The following CNTN5 variants were observed in gnomAD, a reference collection of about 807,000 sequenced individuals.
The protein encoded by CNTN5 is contactin 5.
CNTN5 carries 77 observed loss-of-function variants against 129.1 expected under a neutral mutation model. That is an observed-to-expected ratio of 0.60 (90% CI 0.50 to 0.72). The LOEUF (loss-of-function observed/expected upper bound fraction) is 0.72, where lower values mean the gene tolerates loss of function less well. Ranked by LOEUF, CNTN5 falls within the 30% of genes least tolerant of loss-of-function variation. The pLI is 0.00. For synonymous variants in CNTN5, 509 were observed against 465.6 expected, an observed-to-expected ratio of 1.09 and a Z score of -1.20; for missense variants, 1,478 against 1,328.8, an observed-to-expected ratio of 1.11 and a Z score of -1.75.
At chr11:100,355,360 A>G (rs777806280) in intron 24 of CNTN5, among the ~76,000 whole-genome samples, 1 of 151,732 alleles carries the variant, frequency 6.6e-6, no homozygotes, top group Non-Finnish European at 1.5e-5. Flanking sequence ...ACATAGAGCT[A>G]TCATCTCTTG....
intron 2 of CNTN5, among the ~76,000 whole-genome samples, chr11:99,533,732 T>C (rs894783239): frequency 6.6e-6 from 1 of 152,212 alleles, no homozygotes; most frequent in African/African-American, 2.4e-5. Flanking sequence ...CCGAAATATG[T>C]GTGGTAGACA....
intron 21 of CNTN5, among the ~76,000 whole-genome samples, chr11:100,329,114 A>G (rs1216964936): frequency 1.3e-5 from 2 of 152,136 alleles, no homozygotes; most frequent in African/African-American, 4.8e-5. Flanking sequence ...AGCCTTTAGG[A>G]CTGCAGGCTG....
intron 12 of CNTN5, among the ~76,000 whole-genome samples, chr11:100,072,297 G>A (rs1211477575): frequency 6.6e-6 from 1 of 152,012 alleles, no homozygotes; most frequent in Non-Finnish European, 1.5e-5. Context: ...CTCCTCATGG[G>A]GCATCAACTA....
In CNTN5 at chr11:99,617,030, G is replaced by C. The variant is rs567417656; in HGVS notation, c.55+60761G>C. On this transcript the variant is annotated intron_variant, in intron 3 of 24. Transcript: ENST00000524871. ...GGAGGCTGAGGCAGGAGAATTGCTTGAACCCAGGAGGTGGAGGTTGCAGTG... is the reference window on the plus strand; with the variant it reads ...GGAGGCTGAGGCAGGAGAATTGCTTCAACCCAGGAGGTGGAGGTTGCAGTG... 3.9e-5 allele frequency among the ~76,000 whole-genome samples: 6 copies of C among 152,324 alleles called. No homozygotes were observed. In the South Asian group the frequency reaches 1.2e-3, roughly 32 times the overall value.
chr11:99,344,518 T>A (rs1591549567), intron 2 of CNTN5, among the ~76,000 whole-genome samples: 1 of 152,230 alleles, frequency 6.6e-6, no homozygotes, highest in South Asian at 2.1e-4. Context: ...AAGATATCCA[T>A]CTTTTGAAAA....
intron 1 of CNTN5, among the ~76,000 whole-genome samples, chr11:99,177,724 G>A (rs1857847312): frequency 6.6e-6 from 1 of 152,206 alleles, no homozygotes; most frequent in South Asian, 2.1e-4. Flanking sequence ...TATGAAAAGT[G>A]AAGGAACTTT....
chr11:99,819,735 T>C lies in CNTN5; in HGVS notation c.247T>C (p.Tyr83His), dbSNP rs200788939. Residue 83 changes from tyrosine to histidine, a missense_variant, in exon 4 of 25, where the codon TAT becomes CAT. Physicochemically the swap from Tyr to His is moderately conservative, Grantham distance 83. Coordinates refer to ENST00000524871, the MANE Select transcript of CNTN5 (RefSeq NM_014361.4). Reference sequence around the variant, plus strand: ...GAATTATTATTCCCCCATCAATCTTTATCATTCCTCAGATGCCTTCAAACA... The same window carrying C: ...GAATTATTATTCCCCCATCAATCTTCATCATTCCTCAGATGCCTTCAAACA... ...AQNYYSPINLYHSSDAFKQDE... is the reference protein window; with the variant it reads ...AQNYYSPINLHHSSDAFKQDE... 39 of 1,607,184 alleles carry C rather than the reference T, an allele frequency of 2.4e-5. No homozygotes were observed. Among genetic ancestry groups the C allele is most frequent in the Non-Finnish European group, 3.2e-5 (38 of 1,177,062 alleles).
chr11:99,484,812 A>C (rs1945745729), intron 2 of CNTN5, among the ~76,000 whole-genome samples: 2 of 152,188 alleles, frequency 1.3e-5, no homozygotes, highest in African/African-American at 4.8e-5. Flanking sequence ...GTTCTCATTC[A>C]CATTCATATG....
chr11:99,458,337 A>T (rs1434680921), intron 2 of CNTN5, among the ~76,000 whole-genome samples: 2 of 152,020 alleles, frequency 1.3e-5, no homozygotes, highest in African/African-American at 4.8e-5. Context: ...GTTACATGTT[A>T]AAATTTGATA....
intron 2 of CNTN5, among the ~76,000 whole-genome samples, chr11:99,437,476 A>G (rs10893328): frequency 0.17 from 26,622 of 152,230 alleles, 2,636 homozygotes; most frequent in Admixed American, 0.23. Flanking sequence ...CACTTAAACA[A>G]TATTTCCCGT....
intron 3 of CNTN5, among the ~76,000 whole-genome samples, chr11:99,784,023 A>G (rs1363299127): frequency 6.6e-6 from 1 of 152,176 alleles, no homozygotes; most frequent in African/African-American, 2.4e-5. Flanking sequence ...TGACTACTTT[A>G]AAAGCTGTGT....
intron 13 of CNTN5, among the ~76,000 whole-genome samples, chr11:100,158,839 C>A (rs991336942): frequency 2.0e-5 from 3 of 151,694 alleles, no homozygotes; most frequent in East Asian, 1.9e-4. Context: ...GCAAATATAC[C>A]ACTAATCTGT....
chr11:100,336,070 C>T (rs1441392156), intron 21 of CNTN5, among the ~76,000 whole-genome samples: 1 of 152,176 alleles, frequency 6.6e-6, no homozygotes, highest in Non-Finnish European at 1.5e-5. Context: ...ACTATTTTCT[C>T]TGTTATATAA....
chr11:99,147,850 A>C (rs1404261625), intron 1 of CNTN5, among the ~76,000 whole-genome samples: 3 of 152,130 alleles, frequency 2.0e-5, no homozygotes, highest in African/African-American at 7.2e-5. Flanking sequence ...TTCATCCTTA[A>C]ATAACATCAT....
intron 6 of CNTN5, among the ~76,000 whole-genome samples, chr11:99,873,875 C>T (rs1222577457): frequency 6.6e-6 from 1 of 152,002 alleles, no homozygotes; most frequent in Non-Finnish European, 1.5e-5. Context: ...GAACACAATG[C>T]AGCCATAAAA....
chr11:99,658,950 T>C (rs1249513596), intron 3 of CNTN5, among the ~76,000 whole-genome samples: 1 of 149,122 alleles, frequency 6.7e-6, no homozygotes, highest in Non-Finnish European at 1.5e-5. Flanking sequence ...TCTAGAACCC[T>C]CTTCCTTTAG....
At chr11:99,913,019 A>G (rs1243900643) in intron 6 of CNTN5, among the ~76,000 whole-genome samples, 1 of 152,036 alleles carries the variant, frequency 6.6e-6, no homozygotes, top group Non-Finnish European at 1.5e-5. Flanking sequence ...CAATAAAACA[A>G]TTCAAGCCAA....
rs371588280 is a variant in CNTN5, at chr11:99,707,422, C to T, written c.56-112122C>T. ...CATTTGATTATCTAAATTAATTTTC[C>T]TTCCAACATTATTGCAAATTAAAAG... On this transcript the variant is annotated intron_variant, in intron 3 of 24. Coordinates refer to ENST00000524871, the MANE Select transcript of CNTN5 (RefSeq NM_014361.4). 2.0e-5 allele frequency among the ~76,000 whole-genome samples: 3 copies of T among 151,702 alleles called. No individual in the cohort carries two copies. In the East Asian group the frequency reaches 5.8e-4, roughly 30 times the overall value.
intron 1 of CNTN5, among the ~76,000 whole-genome samples, chr11:99,245,341 A>C (rs1031397533): frequency 3.9e-5 from 6 of 152,076 alleles, no homozygotes; most frequent in African/African-American, 1.4e-4. Flanking sequence ...TCTTGAGACA[A>C]AGTTTCACTT....
Sources: allele counts gnomAD v4.1 joint callset (sites outside exome capture counted in the v4.1 genomes callset), GRCh38; gene constraint gnomAD v4.1.1; transcripts MANE v1.5; gene names NCBI Gene and HGNC (gene_info 2026-07-23, HGNC 2026-07-21).